The following TNFRSF10D variants were observed in gnomAD, a reference collection of about 807,000 sequenced individuals.
TNFRSF10D encodes tumor necrosis factor receptor superfamily member 10D.
TNFRSF10D carries 28 observed loss-of-function variants against 42.1 expected under a neutral mutation model. The observed-to-expected ratio is 0.66, with a 90% CI of 0.49 to 0.91. The LOEUF (loss-of-function observed/expected upper bound fraction) is 0.91. Ranked by LOEUF, TNFRSF10D falls within the 40% of genes least tolerant of loss-of-function variation. The pLI, the probability that TNFRSF10D is intolerant of heterozygous loss-of-function variation, is 0.00. For synonymous variants in TNFRSF10D, 186 were observed against 189.4 expected (o/e 0.98, Z 0.15); for missense variants, 503 against 486.1 (o/e 1.03, Z -0.33).
chr8:23,159,379 C>T (rs938818208), intron 1 of TNFRSF10D, among the ~76,000 whole-genome samples: 18 of 152,196 alleles, frequency 1.2e-4, no homozygotes, highest in South Asian at 6.2e-4. Context: ...AAACATAGGA[C>T]GATCTCCTTA....
chr8:23,149,441 A>G (rs1563358863), intron 2 of TNFRSF10D, among the ~76,000 whole-genome samples: 1 of 150,660 alleles, frequency 6.6e-6, no homozygotes. Flanking sequence ...GTATCATCAT[A>G]TTGGCCAGGC....
At position 23,163,864 on chromosome 8, in the gene TNFRSF10D, T is replaced by C; in HGVS notation, c.72A>G (p.Thr24=). The C allele has an allele frequency of 6.2e-7, 1 of 1,604,202 alleles. No individual in the cohort carries two copies. The highest frequency in any genetic ancestry group is 1.7e-4 in the Middle Eastern group (1 of 6,040). ...ARAGRYPGAR[T]ASGTRPWLLD... is the part of the protein sequence containing the mutation. The stretch of plus-strand genomic sequence containing the variant: ...GGAGCCATGGTCTGGTTCCCGACGC[T>C]GTCCTGGCTCCTGGATAGCGCCCTG... Residue 24 remains threonine, a synonymous_variant, in exon 1 of 9, where the codon ACA becomes ACG. Transcript: ENST00000312584.
chr8:23,153,304 G>A (rs1316527932), intron 2 of TNFRSF10D, among the ~76,000 whole-genome samples: 693 of 151,752 alleles, frequency 4.6e-3, no homozygotes, highest in African/African-American at 0.014. Flanking sequence ...CATGACGTTG[G>A]TGTGGGCATT....
chr8:23,138,046 C>T (rs763539152), intron 8 of TNFRSF10D, 43 bp from the exon 9 acceptor site: 84 of 1,611,510 alleles, frequency 5.2e-5, no homozygotes, highest in Middle Eastern at 1.6e-4. Context: ...GCTCCAAGGA[C>T]GATCAGCACA....
intron 1 of TNFRSF10D, among the ~76,000 whole-genome samples, chr8:23,157,493 T>G (rs934466824): frequency 6.6e-6 from 1 of 152,216 alleles, no homozygotes; most frequent in African/African-American, 2.4e-5. Context: ...GAAAGTATCA[T>G]GAGCATAGAA....
At chr8:23,138,741 A>G (rs1298155883) in intron 7 of TNFRSF10D, among the ~76,000 whole-genome samples, 921 of 152,278 alleles carry the variant, frequency 6.0e-3, no homozygotes, top group African/African-American at 0.019. Flanking sequence ...CAATAGCGTA[A>G]TTAAATAAAA....
chr8:23,144,454 A>C lies in TNFRSF10D; in HGVS notation c.950T>G (p.Leu317Arg). 1 of 1,613,816 alleles carries C rather than the reference A, an allele frequency of 6.2e-7. No individual in the cohort carries two copies. Among genetic ancestry groups the C allele is most frequent in the Non-Finnish European group, 8.5e-7 (1 of 1,179,776 alleles). The change falls in exon 7 of 9, where the codon CTG becomes CGG. Residue 317 changes from leucine (L) to arginine (R), a missense_variant. Physicochemically the swap from Leu to Arg is moderately radical, Grantham distance 102. Coordinates refer to ENST00000312584, the MANE Select transcript of TNFRSF10D (RefSeq NM_003840.5). ...TVELPEEPQR[L>R]LEQAEAEGCQ... ...CACAGTCCCTCCTCAACTCACCAGCAGACGCTGTGGCTCCTCTGGCAACTC... is the reference window on the plus strand; with the variant it reads ...CACAGTCCCTCCTCAACTCACCAGCCGACGCTGTGGCTCCTCTGGCAACTC...
chr8:23,160,819 C>T (rs557391442), intron 1 of TNFRSF10D, among the ~76,000 whole-genome samples: 1 of 152,314 alleles, frequency 6.6e-6, no homozygotes, highest in South Asian at 2.1e-4. Context: ...GGAGACCTTT[C>T]CTGCTCATCT....
rs141819305 is a variant in TNFRSF10D at position 23,154,459 on chromosome 8, T to G, written c.256+415A>C. Among the ~76,000 whole-genome samples the G allele has an allele frequency of 2.4e-3, 359 of 152,390 alleles. 3 individuals are homozygous for G. Among genetic ancestry groups the G allele is most frequent in the African/African-American group, 8.2e-3 (340 of 41,598 alleles). ...AGGTACATATGCTTTAAATCATTTC[T>G]AGGTTACTTGTAATACCTAATGCAA... On this transcript the variant is annotated intron_variant, in intron 2 of 8. Coordinates refer to ENST00000312584, the MANE Select transcript of TNFRSF10D (RefSeq NM_003840.5).
At chr8:23,151,570 A>G (rs994104648) in intron 2 of TNFRSF10D, among the ~76,000 whole-genome samples, 3 of 152,228 alleles carry the variant, frequency 2.0e-5, no homozygotes, top group Non-Finnish European at 4.4e-5. Flanking sequence ...TTAAAAGCCC[A>G]ATGTATTTTT....
intron 2 of TNFRSF10D, among the ~76,000 whole-genome samples, chr8:23,150,405 G>T (rs887445217): frequency 1.2e-4 from 19 of 152,204 alleles, no homozygotes; most frequent in Admixed American, 6.5e-4. Context: ...ACTGGTGAAG[G>T]GCGTTCCCTG....
chr8:23,143,608 G>A (rs1361482998), intron 7 of TNFRSF10D, among the ~76,000 whole-genome samples: 1 of 152,140 alleles, frequency 6.6e-6, no homozygotes, highest in South Asian at 2.1e-4. Context: ...TGGGTGGAAA[G>A]TGAACCTTGT....
At chr8:23,157,871 G>C (rs1335001674) in intron 1 of TNFRSF10D, among the ~76,000 whole-genome samples, 1 of 152,180 alleles carries the variant, frequency 6.6e-6, no homozygotes, top group Non-Finnish European at 1.5e-5. Flanking sequence ...CAGCAGTGTT[G>C]GGCGACCATC....
intron 1 of TNFRSF10D, among the ~76,000 whole-genome samples, chr8:23,158,029 T>C (rs1044183065): frequency 8.5e-5 from 13 of 152,362 alleles, no homozygotes; most frequent in African/African-American, 1.7e-4. Context: ...GGCAAGATCC[T>C]GGAAGTAGGC....
chr8:23,163,089 CTTTTTTTTTTTT>C (rs59385093), intron 1 of TNFRSF10D, among the ~76,000 whole-genome samples: 9 of 57,206 alleles, frequency 1.6e-4, no homozygotes, highest in African/African-American at 7.3e-4. Flanking sequence ...GCCTGGCTAA[CTTTTTTTTTTTT>C]TTTTTTTTTT....
In TNFRSF10D at chr8:23,138,011, G is replaced by A. The variant is rs1339491598; in HGVS notation, c.1028-8C>T. ...CATCCAGCAAGGTGCTGACTGAGAA[G>A]AGAGAAGAGATTTAGGGTCTCAATG... On this transcript the variant is annotated splice_polypyrimidine_tract_variant and splice_region_variant and intron_variant, in intron 8 of 8. Coordinates refer to ENST00000312584, the MANE Select transcript of TNFRSF10D (RefSeq NM_003840.5). The A allele has an allele frequency of 4.0e-5, 65 of 1,613,828 alleles. No homozygotes were observed. Among genetic ancestry groups the A allele is most frequent in the Non-Finnish European group, 5.0e-5 (59 of 1,179,934 alleles).
chr8:23,158,404 G>A (rs144528869), intron 1 of TNFRSF10D, among the ~76,000 whole-genome samples: 1 of 152,184 alleles, frequency 6.6e-6, no homozygotes, highest in South Asian at 2.1e-4. Flanking sequence ...CTCTGCGTGG[G>A]GTATCTTTTT....
intron 7 of TNFRSF10D, among the ~76,000 whole-genome samples, chr8:23,143,549 C>T (rs182479838): frequency 5.3e-3 from 812 of 152,024 alleles, no homozygotes; most frequent in African/African-American, 0.019. Flanking sequence ...CCTTTTTATA[C>T]TTCCCTTCAT....
chr8:23,147,582 C>T (rs575113676), intron 3 of TNFRSF10D, among the ~76,000 whole-genome samples: 9 of 152,184 alleles, frequency 5.9e-5, no homozygotes, highest in South Asian at 2.1e-4. Flanking sequence ...TGCCCCCACC[C>T]GGCTGCAGGC....
Sources: gnomAD v4.1 joint callset for allele counts (sites outside exome capture counted in the v4.1 genomes callset) on GRCh38, gnomAD v4.1.1 for gene constraint, MANE v1.5 for transcripts, NCBI Gene and HGNC (gene_info 2026-07-23, HGNC 2026-07-21) for gene names.